PDE6A: variants seen among roughly 807,000 people sequenced by gnomAD.
PDE6A encodes the protein phosphodiesterase 6A, also known as rod cGMP-specific 3',5'-cyclic phosphodiesterase subunit alpha.
A neutral mutation model predicts 106.3 loss-of-function variants in PDE6A; 84 were observed. The ratio of observed to expected loss-of-function variants is 0.79; its 90% CI spans 0.66 to 0.95. The LOEUF is 0.95. Among genes scored for constraint, PDE6A ranks in the 40% least tolerant of loss-of-function variants. The probability of loss-of-function intolerance (pLI) is 0.00; values close to 1 mark genes in which losing one functional copy is unlikely to be tolerated. For synonymous variants in PDE6A, 394 were observed against 386.6 expected, an observed-to-expected ratio of 1.02 and a Z score of -0.23; for missense variants, 1,052 against 1,084.9, an observed-to-expected ratio of 0.97 and a Z score of 0.43.
intron 4 of PDE6A, among the ~76,000 whole-genome samples, chr5:149,929,207 C>G (rs925586013): frequency 2.0e-5 from 3 of 152,120 alleles, no homozygotes; most frequent in African/African-American, 7.2e-5. Flanking sequence ...GATCTGAAAA[C>G]TCAAATGTCC....
rs1212652682 is a variant in PDE6A, at chr5:149,944,593, G to A, written c.81C>T (p.His27=). 6.2e-7 allele frequency: 1 copy of A among 1,613,982 alleles called. No homozygotes were observed. Among genetic ancestry groups the A allele is most frequent in the Non-Finnish European group, 8.5e-7 (1 of 1,180,016 alleles). The change falls in exon 1 of 22, where the codon CAC becomes CAT. Residue 27 remains histidine (H), a synonymous_variant. Coordinates refer to ENST00000255266, the MANE Select transcript of PDE6A (RefSeq NM_000440.3). ...GGTCGGAGATGAGCTTGGCCCGGTA[G>A]TGGAGGTTGTAGTACTGTTTGGCAA... is the stretch of plus-strand genomic sequence containing the variant. The part of the protein sequence containing the change: ...IGFAKQYYNL[H]YRAKLISDLL...
At chr5:149,884,353 T>A (rs1761056889) in intron 16 of PDE6A, 126 bp downstream of exon 16, 1 of 678,402 alleles carries the variant, frequency 1.5e-6, no homozygotes, top group African/African-American at 1.8e-5. Context: ...TGTGTGTATA[T>A]ATGTGTATAT....
chr5:149,943,770 GGTACTGTGGAA>G (rs1385354062), intron 1 of PDE6A, among the ~76,000 whole-genome samples: 300 of 150,612 alleles, frequency 2.0e-3, no homozygotes, highest in African/African-American at 6.4e-3. Context: ...GTACTGTGGA[GGTACTGTGGAA>G]GTACTGTGTA....
chr5:149,932,636 C>A, intron 3 of PDE6A: 6 of 1,613,596 alleles, frequency 3.7e-6, no homozygotes, highest in Non-Finnish European at 5.1e-6. Context: ...CAGTATATTC[C>A]ATTTCGTACG....
At chr5:149,932,727 C>T in intron 3 of PDE6A, 1 of 1,458,632 alleles carries the variant, frequency 6.9e-7, no homozygotes, top group Non-Finnish European at 9.6e-7. Context: ...CCAACTACTG[C>T]TTGCTGTTTG....
At chr5:149,937,669 C>G (rs140568102) in intron 1 of PDE6A, among the ~76,000 whole-genome samples, 17 of 152,300 alleles carry the variant, frequency 1.1e-4, no homozygotes, top group African/African-American at 4.1e-4. Flanking sequence ...TCAGCCTGCA[C>G]CTGGCTGAGT....
Position 149,940,824 on chromosome 5 carries a change from C to A in PDE6A, c.474+3376G>T, listed in dbSNP as rs376486436. 1.6e-4 allele frequency among the ~76,000 whole-genome samples: 24 copies of A among 152,304 alleles called. 2 individuals carry two copies. The highest frequency in any genetic ancestry group is 4.1e-4 in the African/African-American group (17 of 41,570). ...ACCTGTTTGAATTCTTGCATTCATG[C>A]ATGTGGAGCATTGGCAAGCCTCTGC... is the stretch of plus-strand genomic sequence containing the variant. On this transcript the variant is annotated intron_variant, in intron 1 of 21. Coordinates refer to ENST00000255266, the MANE Select transcript of PDE6A (RefSeq NM_000440.3).
chr5:149,922,965 A>C (rs1175900552), intron 4 of PDE6A, among the ~76,000 whole-genome samples: 1 of 152,248 alleles, frequency 6.6e-6, no homozygotes, highest in African/African-American at 2.4e-5. Context: ...TATTACTGTA[A>C]CAAATGGTCG....
Position 149,921,077 on chromosome 5 carries a change from C to T in PDE6A, c.933+558G>A, listed in dbSNP as rs1581201670. ...TTGGCTTTCTGGCTACCAATTTGTACATTATAGACTAGATATGAAGGTTTT... is the reference window on the plus strand; with the variant it reads ...TTGGCTTTCTGGCTACCAATTTGTATATTATAGACTAGATATGAAGGTTTT... On this transcript the variant is annotated intron_variant, in intron 5 of 21. Coordinates refer to ENST00000255266, the MANE Select transcript of PDE6A (RefSeq NM_000440.3). Among the ~76,000 whole-genome samples the T allele has an allele frequency of 2.0e-5, 3 of 152,086 alleles. No individual in the cohort carries two copies. The East Asian group carries it at 5.8e-4, about 29-fold the overall frequency.
Position 149,944,422 on chromosome 5 carries a change from C to T in PDE6A, c.252G>A (p.Lys84=). The change falls in exon 1 of 22, where the codon AAG becomes AAA. Residue 84 remains lysine, a synonymous_variant. Transcript: ENST00000255266. The part of the protein sequence containing the change: ...TEKCIFNVMK[K]LCFLLQADRM... ...GGTCTGCCTGCAGGAGGAAGCACAG[C>T]TTCTTCATGACATTGAAGATGCATT... 1 of 1,614,138 alleles carries T rather than the reference C, an allele frequency of 6.2e-7. No individual in the cohort carries two copies. The highest frequency in any genetic ancestry group is 8.5e-7 in the Non-Finnish European group (1 of 1,180,026).
chr5:149,894,568 G>A (rs1036572801), intron 13 of PDE6A, among the ~76,000 whole-genome samples: 1 of 150,152 alleles, frequency 6.7e-6, no homozygotes, highest in African/African-American at 2.5e-5. Context: ...AATGAAATAT[G>A]TTCCTAATTG....
At chr5:149,871,447 C>T (rs1191346909) in intron 17 of PDE6A, among the ~76,000 whole-genome samples, 13 of 151,968 alleles carry the variant, frequency 8.6e-5, no homozygotes. Context: ...GAGGGCTTCC[C>T]TGAGAGAGTG....
intron 4 of PDE6A, among the ~76,000 whole-genome samples, 155 bp from the exon 5 acceptor site, chr5:149,921,864 C>A (rs1031158971): frequency 6.6e-6 from 1 of 152,160 alleles, no homozygotes; most frequent in African/African-American, 2.4e-5. Context: ...AGACTCACTA[C>A]AGTTAGAAAA....
At chr5:149,904,820 T>A (rs1164332617) in intron 7 of PDE6A, among the ~76,000 whole-genome samples, 3 of 152,178 alleles carry the variant, frequency 2.0e-5, no homozygotes, top group African/African-American at 7.2e-5. Flanking sequence ...TTCCTCTCCA[T>A]CTGTGAGCAT....
intron 4 of PDE6A, among the ~76,000 whole-genome samples, chr5:149,923,077 G>A (rs2113642891): frequency 6.6e-6 from 1 of 152,308 alleles, no homozygotes; most frequent in East Asian, 1.9e-4. Flanking sequence ...TTACTTCCAT[G>A]TTCAGCTATG....
chr5:149,935,507 G>A (rs763575958), intron 1 of PDE6A, among the ~76,000 whole-genome samples: 2 of 152,152 alleles, frequency 1.3e-5, no homozygotes, highest in African/African-American at 4.8e-5. Flanking sequence ...GGGGGATATG[G>A]GTGACCAAGG....
intron 13 of PDE6A, among the ~76,000 whole-genome samples, chr5:149,889,566 C>T (rs2113567236): frequency 6.6e-6 from 1 of 152,244 alleles, no homozygotes; most frequent in Middle Eastern, 3.4e-3. Context: ...TCTCAGCCTC[C>T]TGAGTAGCTG....
chr5:149,861,614 C>T lies in PDE6A; in HGVS notation c.2507-643G>A, dbSNP rs187469073. Among the ~76,000 whole-genome samples the T allele has an allele frequency of 3.3e-5, 5 of 152,142 alleles. No individual in the cohort carries two copies. In the South Asian group the frequency reaches 6.2e-4, roughly 19 times the overall value. ...GCAGTGAGCTATGATCGTGCCACTG[C>T]GCTCCAGCCTGGGCAACAAAGCAAG... On this transcript the variant is annotated intron_variant, in intron 21 of 21. Coordinates refer to ENST00000255266, the MANE Select transcript of PDE6A (RefSeq NM_000440.3).
At chr5:149,861,440 A>G (rs1435939090) in intron 21 of PDE6A, among the ~76,000 whole-genome samples, 4 of 152,238 alleles carry the variant, frequency 2.6e-5, no homozygotes, top group Non-Finnish European at 5.9e-5. Context: ...CTTGAGCCCA[A>G]GAGTTGGAGG....
Sources: gnomAD v4.1 joint callset for allele counts (sites outside exome capture counted in the v4.1 genomes callset) on GRCh38, gnomAD v4.1.1 for gene constraint, MANE v1.5 for transcripts, NCBI Gene and HGNC (gene_info 2026-07-23, HGNC 2026-07-21) for gene names.